The following DDX19B variants were observed in gnomAD, a reference collection of about 807,000 sequenced individuals.
DDX19B encodes ATP-dependent RNA helicase DDX19B.
DDX19B carries 27 observed loss-of-function variants against 58.1 expected under a neutral mutation model. The observed-to-expected ratio is 0.46, with a 90% confidence interval of 0.34 to 0.64. DDX19B has a LOEUF of 0.64. DDX19B is among the 30% of genes least tolerant of loss of function. The pLI, the probability that DDX19B is intolerant of heterozygous loss-of-function variation, is 0.01. For missense variants in DDX19B, 399 were observed against 596.5 expected (o/e 0.67, Z 3.45); for synonymous variants, 187 against 214.4 (o/e 0.87, Z 1.12).
At chr16:70,308,973 C>A (rs1961928900) in intron 1 of DDX19B, among the ~76,000 whole-genome samples, 2 of 152,072 alleles carry the variant, frequency 1.3e-5, no homozygotes, top group African/African-American at 4.8e-5. Context: ...CCCCCACTGC[C>A]CTCCCCCATT....
intron 1 of DDX19B, among the ~76,000 whole-genome samples, chr16:70,311,827 C>CTT: frequency 6.6e-6 from 1 of 151,342 alleles, no homozygotes; most frequent in South Asian, 2.1e-4. Flanking sequence ...CCCACAGATG[C>CTT]TTTTCTTTTC....
chr16:70,309,626 T>C (rs1049479452), intron 1 of DDX19B, among the ~76,000 whole-genome samples: 1 of 151,760 alleles, frequency 6.6e-6, no homozygotes, highest in Non-Finnish European at 1.5e-5. Flanking sequence ...GAGACCAGCC[T>C]GACCAACATA....
At chr16:70,324,723 A>T (rs1428043989) in intron 6 of DDX19B, 36 bp downstream of exon 6, 1 of 1,578,176 alleles carries the variant, frequency 6.3e-7, no homozygotes, top group Non-Finnish European at 8.7e-7. Flanking sequence ...CTACTAATGC[A>T]TAGATAGAAG....
intron 1 of DDX19B, among the ~76,000 whole-genome samples, chr16:70,304,338 G>A (rs1386395214): frequency 6.7e-6 from 1 of 149,498 alleles, no homozygotes; most frequent in East Asian, 2.0e-4. Context: ...GTGCCTGGCC[G>A]AGGTTCATCT....
intron 1 of DDX19B, among the ~76,000 whole-genome samples, chr16:70,303,302 C>T (rs1961569198): frequency 6.6e-6 from 1 of 152,112 alleles, no homozygotes; most frequent in South Asian, 2.1e-4. Context: ...CATGCGCCAC[C>T]ACATCTGGCT....
At chr16:70,312,035 T>A (rs1343675974) in intron 1 of DDX19B, among the ~76,000 whole-genome samples, 1 of 151,964 alleles carries the variant, frequency 6.6e-6, no homozygotes, top group Non-Finnish European at 1.5e-5. Context: ...AGAGACGGGG[T>A]TTCACCATGT....
chr16:70,331,760 A>C lies in DDX19B; in HGVS notation c.1062A>C (p.Ser354=), dbSNP rs1963488048. 6.2e-7 allele frequency: 1 copy of C among 1,614,112 alleles called. No homozygotes were observed. Among genetic ancestry groups the C allele is most frequent in the African/African-American group, 1.3e-5 (1 of 74,952 alleles). ...CTAGTTGGCTGGCAGCAGAGCTCTCAAAAGAAGGCCACCAGGTGGCTCTGC... is the reference window on the plus strand; with the variant it reads ...CTAGTTGGCTGGCAGCAGAGCTCTCCAAAGAAGGCCACCAGGTGGCTCTGC... ...KTASWLAAEL[S]KEGHQVALLS... is the part of the protein sequence containing the mutation. Residue 354 remains serine (S), a synonymous_variant, in exon 10 of 12, where the codon TCA becomes TCC. Coordinates refer to ENST00000288071, the MANE Select transcript of DDX19B (RefSeq NM_007242.7).
intron 10 of DDX19B, among the ~76,000 whole-genome samples, chr16:70,332,275 A>G (rs565558537): frequency 6.6e-6 from 1 of 152,032 alleles, no homozygotes; most frequent in Non-Finnish European, 1.5e-5. Context: ...CTTGTACCCA[A>G]TTCCCAGAGT....
chr16:70,304,342 T>G (rs1195715448), intron 1 of DDX19B, among the ~76,000 whole-genome samples: 1 of 149,634 alleles, frequency 6.7e-6, no homozygotes, highest in East Asian at 2.0e-4. Flanking sequence ...CTGGCCGAGG[T>G]TCATCTGTTC....
intron 1 of DDX19B, among the ~76,000 whole-genome samples, chr16:70,303,851 G>A (rs1024661159): frequency 2.0e-5 from 3 of 151,918 alleles, no homozygotes; most frequent in Admixed American, 6.6e-5. Context: ...GAGCCACCGC[G>A]CCCGGCCTAA....
chr16:70,333,984 T>G lies in DDX19B; in HGVS notation c.*402T>G. On this transcript the variant is annotated 3_prime_UTR_variant, in exon 12 of 12. Coordinates refer to ENST00000288071, the MANE Select transcript of DDX19B (RefSeq NM_007242.7). ...TCCTGTGGAAGTAATGGAATAGTGG[T>G]GGAAAGGGAACACAGAGAGGGAGGC... The G allele has an allele frequency of 3.7e-6, 1 of 267,380 alleles. No individual in the cohort carries two copies. Among genetic ancestry groups the G allele is most frequent in the African/African-American group, 2.2e-5 (1 of 44,480 alleles). The allele number at this position is 267,380 out of a possible 1,614,324, so 16.6% of individuals were successfully genotyped here.
At chr16:70,319,254 C>G (rs1962629073) in intron 5 of DDX19B, among the ~76,000 whole-genome samples, 1 of 152,098 alleles carries the variant, frequency 6.6e-6, no homozygotes, top group Admixed American at 6.6e-5. Context: ...GCTATTGTGT[C>G]AAATATAATA....
chr16:70,310,854 C>A (rs1014984487), intron 1 of DDX19B, among the ~76,000 whole-genome samples: 56 of 151,066 alleles, frequency 3.7e-4, no homozygotes, highest in African/African-American at 1.4e-3. Context: ...CATGATGAAA[C>A]CCTGCCTCTA....
chr16:70,302,349 C>A (rs1170570131), intron 1 of DDX19B, among the ~76,000 whole-genome samples: 3 of 152,130 alleles, frequency 2.0e-5, no homozygotes, highest in Non-Finnish European at 4.4e-5. Flanking sequence ...CCACCACAGG[C>A]AACACATAAA....
At chr16:70,332,159 A>G (rs1963518818) in intron 10 of DDX19B, among the ~76,000 whole-genome samples, 1 of 152,124 alleles carries the variant, frequency 6.6e-6, no homozygotes, top group Admixed American at 6.6e-5. Flanking sequence ...TCTCCAGAAC[A>G]TTGTGTCTCC....
chr16:70,314,743 T>C (rs1962280527), intron 2 of DDX19B, 159 bp from the exon 3 acceptor site: 2 of 648,090 alleles, frequency 3.1e-6, no homozygotes, highest in Non-Finnish European at 5.9e-6. Flanking sequence ...CTTTGTTTAT[T>C]TAGGGACAAT....
rs1429257985 is a variant in DDX19B, at chr16:70,314,696, C to A, written c.107-206C>A. On this transcript the variant is annotated intron_variant, in intron 2 of 11. Coordinates refer to ENST00000288071, the MANE Select transcript of DDX19B (RefSeq NM_007242.7). ...AATAAATAATAAAATAAATATCTAT[C>A]TATATATATATATATGTGAGCAACA... is the stretch of plus-strand genomic sequence containing the variant. The A allele has an allele frequency of 1.3e-3, 321 of 254,310 alleles. 15 individuals are homozygous for A. Among genetic ancestry groups the A allele is most frequent in the African/African-American group, 3.6e-3 (157 of 43,104 alleles). 15.8% of individuals were successfully genotyped at this position (254,310 alleles called of 1,614,324 possible).
upstream of DDX19B, among the ~76,000 whole-genome samples, chr16:70,293,929 A>C (rs60828997): frequency 0.077 from 11,678 of 151,374 alleles, 1,456 homozygotes; most frequent in African/African-American, 0.26. Flanking sequence ...ATTTTTAAGA[A>C]CCTCTAAAGG....
chr16:70,290,470 T>C (rs772057997), upstream of DDX19B, among the ~76,000 whole-genome samples: 3 of 151,806 alleles, frequency 2.0e-5, no homozygotes, highest in Non-Finnish European at 4.4e-5. Context: ...GAAGTTGCGG[T>C]GAGCCGAGAT....
Sources: allele counts gnomAD v4.1 joint callset (sites outside exome capture counted in the v4.1 genomes callset), GRCh38; gene constraint gnomAD v4.1.1; transcripts MANE v1.5; gene names NCBI Gene and HGNC (gene_info 2026-07-23, HGNC 2026-07-21).